TOPBP1: variants seen among roughly 807,000 people sequenced by gnomAD.
TOPBP1 encodes the protein DNA topoisomerase II binding protein 1, also known as DNA topoisomerase 2-binding protein 1.
Under a neutral mutation model 167.7 loss-of-function variants are expected in TOPBP1, and 28 were observed. That is an observed-to-expected ratio of 0.17 (90% CI 0.12 to 0.23). The LOEUF (loss-of-function observed/expected upper bound fraction) is 0.23, where lower values mean the gene tolerates loss of function less well. TOPBP1 is among the 10% of genes least tolerant of loss of function. The pLI is 1.00. For synonymous variants in TOPBP1, 598 were observed against 611.4 expected, an observed-to-expected ratio of 0.98 and a Z score of 0.32; for missense variants, 1,554 against 1,809.6, an observed-to-expected ratio of 0.86 and a Z score of 2.56.
chr3:133,653,464 A>G lies in TOPBP1; in HGVS notation c.803T>C (p.Phe268Ser), dbSNP rs201109522. The change falls in exon 7 of 28, where the codon TTT becomes TCT. Residue 268 changes from phenylalanine (F) to serine (S), a missense_variant. Physicochemically the swap from Phe to Ser is radical, Grantham distance 155. Around this residue, in one of 3 missense-constraint regions of TOPBP1, gnomAD observed 1,197 missense variants for 1,351.5 expected, o/e 0.89. Transcript: ENST00000260810. Reference protein sequence around the residue: ...NVHCVTTQWFFDSIEKGFCQD... With the variant: ...NVHCVTTQWFSDSIEKGFCQD... ...ACAAAAACCTTTCTCAATACTGTCA[A>G]AAAACCACTGTGTGGTCACACAGTG... 3.1e-6 allele frequency: 5 copies of G among 1,612,878 alleles called. No individual in the cohort carries two copies. The highest frequency in any genetic ancestry group is 4.2e-6 in the Non-Finnish European group (5 of 1,179,578).
At chr3:133,637,233 G>C (rs1162441433) in intron 14 of TOPBP1, among the ~76,000 whole-genome samples, 1 of 152,156 alleles carries the variant, frequency 6.6e-6, no homozygotes, top group Non-Finnish European at 1.5e-5. Context: ...AGCCACTTAA[G>C]AGGTCAAAAG....
At chr3:133,653,775 G>A (rs56323915) in intron 6 of TOPBP1, among the ~76,000 whole-genome samples, 21,889 of 151,816 alleles carry the variant, frequency 0.14, 1,885 homozygotes, top group Non-Finnish European at 0.2. Context: ...GATTACAGAC[G>A]TGTGCCACCA....
intron 27 of TOPBP1, among the ~76,000 whole-genome samples, 155 bp downstream of exon 27, chr3:133,608,380 A>T (rs1461272502): frequency 2.0e-5 from 3 of 152,212 alleles, no homozygotes; most frequent in Admixed American, 6.5e-5. Flanking sequence ...TAAAAAACAC[A>T]AATAGAATAA....
Position 133,620,378 on chromosome 3 carries a change from G to A in TOPBP1, c.3179-31C>T, listed in dbSNP as rs779503054. The A allele has an allele frequency of 2.5e-6, 4 of 1,591,074 alleles. No homozygotes were observed. In the African/African-American group the frequency reaches 5.4e-5, roughly 22 times the overall value. Reference sequence around the variant, plus strand: ...AACAAACACAAATACACCATTCAAGGTAAGTTCCTCTTTTTTACCATATCT... The same window carrying A: ...AACAAACACAAATACACCATTCAAGATAAGTTCCTCTTTTTTACCATATCT... On this transcript the variant is annotated intron_variant, in intron 19 of 27. Transcript: ENST00000260810.
intron 8 of TOPBP1, 71 bp from the exon 9 acceptor site, chr3:133,650,014 C>A (rs1936230441): frequency 1.6e-6 from 2 of 1,240,844 alleles, no homozygotes; most frequent in Admixed American, 3.3e-5. Context: ...AAATATATAT[C>A]TAAATCCACT....
In TOPBP1 at chr3:133,620,622, C is replaced by CTGG. The variant is rs1935057876; in HGVS notation, c.3179-278_3179-276dup. On this transcript the variant is annotated intron_variant, in intron 19 of 27. Transcript: ENST00000260810. The stretch of plus-strand genomic sequence containing the variant: ...TGATAGTCTAGCACTGTCGCCCAGG[C>CTGG]TGGACAGTGGTGCGACCTCGGCTCA... Among the ~76,000 whole-genome samples, 3 of 148,672 alleles carry CTGG rather than the reference C, an allele frequency of 2.0e-5. No individual in the cohort carries two copies. The South Asian group carries it at 6.4e-4, about 31-fold the overall frequency.
Position 133,655,334 on chromosome 3 carries a change from A to C in TOPBP1, c.698T>G (p.Leu233Trp). 1 of 1,580,972 alleles carries C rather than the reference A, an allele frequency of 6.3e-7. No homozygotes were observed. The highest frequency in any genetic ancestry group is 8.6e-7 in the Non-Finnish European group (1 of 1,164,290). The change falls in exon 6 of 28, where the codon TTG (leucine) becomes TGG (tryptophan). Residue 233 changes from leucine to tryptophan, a missense_variant. Transcript: ENST00000260810. Reference protein sequence around the residue: ...VKHGGQYMGQLKMNECTHLIV... With the variant: ...VKHGGQYMGQWKMNECTHLIV... ...GAGGTGTGTACATTCATTCATTTTC[A>C]ATTGTCCCATGTATTGACCTCCATG...
Position 133,617,148 on chromosome 3 carries a change from G to GT in TOPBP1, c.3759+11_3759+12insA. On this transcript the variant is annotated intron_variant, in intron 22 of 27. Transcript: ENST00000260810. ...TGCAAAAGCTGTATCACCATATTAA[G>GT]GATCAACAAACCTTTTCTCTAGGGT... 1 of 1,596,616 alleles carries GT rather than the reference G, an allele frequency of 6.3e-7. No individual in the cohort carries two copies. Among genetic ancestry groups the GT allele is most frequent in the African/African-American group, 1.4e-5 (1 of 73,872 alleles).
At chr3:133,626,338 G>A (rs1035168080) in intron 16 of TOPBP1, among the ~76,000 whole-genome samples, 2 of 152,184 alleles carry the variant, frequency 1.3e-5, no homozygotes, top group Non-Finnish European at 2.9e-5. Flanking sequence ...TTGTTACAAT[G>A]TGTGTTTGTA....
In TOPBP1 at chr3:133,623,199, G is replaced by C. The variant is rs778904881; in HGVS notation, c.3076-6C>G. 27 of 1,610,142 alleles carry C rather than the reference G, an allele frequency of 1.7e-5. No individual in the cohort carries two copies. In the East Asian group the frequency reaches 5.8e-4, roughly 35 times the overall value. ...TCTAAAATCAAAGGATCTGGCTATT[G>C]AAAAAGAAAAATTATAAATTCTCAA... On this transcript the variant is annotated splice_region_variant and splice_polypyrimidine_tract_variant and intron_variant, in intron 18 of 27. Coordinates refer to ENST00000260810, the MANE Select transcript of TOPBP1 (RefSeq NM_007027.4).
chr3:133,608,461 G>A (rs1333298966), intron 27 of TOPBP1, 74 bp downstream of exon 27: 4 of 1,506,634 alleles, frequency 2.7e-6, no homozygotes, highest in Middle Eastern at 1.8e-4. Flanking sequence ...TGAAGGTTTT[G>A]TTGTGCAGTT....
intron 25 of TOPBP1, 136 bp from the exon 26 acceptor site, chr3:133,609,098 T>C (rs898323486): frequency 1.4e-6 from 1 of 708,760 alleles, no homozygotes; most frequent in Non-Finnish European, 2.3e-6. Flanking sequence ...TATAATTATC[T>C]CTGGCCAGAA....
chr3:133,620,499 T>C (rs1259322273), intron 19 of TOPBP1, among the ~76,000 whole-genome samples, 152 bp from the exon 20 acceptor site: 2 of 152,086 alleles, frequency 1.3e-5, no homozygotes, highest in African/African-American at 2.4e-5. Context: ...GTACTAAAAC[T>C]ATGAATACTG....
At chr3:133,649,681 A>G (rs553933373) in intron 9 of TOPBP1, 48 bp from the exon 10 acceptor site, 2 of 1,600,056 alleles carry the variant, frequency 1.2e-6, no homozygotes, top group East Asian at 2.2e-5. Context: ...TATAAAGACC[A>G]TCATCCCACT....
rs199625993 is a variant in TOPBP1, at chr3:133,648,786, G to A, written c.1504+597C>T. On this transcript the variant is annotated intron_variant, in intron 10 of 27. Transcript: ENST00000260810. ...ACACTCCAGCCTGCGCAACAAGAGC[G>A]AAATCCTGCTTCAAAAAAAAAAAAA... Among the ~76,000 whole-genome samples, 15 of 150,850 alleles carry A rather than the reference G, an allele frequency of 9.9e-5. No individual in the cohort carries two copies. In the East Asian group the frequency reaches 1.5e-3, roughly 16 times the overall value.
At chr3:133,608,779 T>C in intron 26 of TOPBP1, 83 bp from the exon 27 acceptor site, 1 of 1,566,096 alleles carries the variant, frequency 6.4e-7, no homozygotes. Context: ...AGGATTACCA[T>C]TTCAAAAAGT....
chr3:133,605,142 T>C (rs1444121141), intron 27 of TOPBP1, among the ~76,000 whole-genome samples: 1 of 150,014 alleles, frequency 6.7e-6, no homozygotes, highest in Non-Finnish European at 1.5e-5. Context: ...GAGATTGCAG[T>C]GAGCTGAGAT....
chr3:133,657,758 G>A lies in TOPBP1; in HGVS notation c.363+40C>T, dbSNP rs1559835196. On this transcript the variant is annotated intron_variant, in intron 4 of 27. Coordinates refer to ENST00000260810, the MANE Select transcript of TOPBP1 (RefSeq NM_007027.4). ...AGTGAAAAATTAAGAATAAGAGATA[G>A]ATATATAAATTGATCAATCATCATG... 2.1e-6 allele frequency: 3 copies of A among 1,425,312 alleles called. No individual in the cohort carries two copies. The African/African-American group carries it at 4.4e-5, about 21-fold the overall frequency. The allele number at this position is 1,425,312 out of a possible 1,614,324, so 88.3% of individuals were successfully genotyped here.
At chr3:133,630,786 T>G (rs997400299) in intron 14 of TOPBP1, among the ~76,000 whole-genome samples, 1 of 152,194 alleles carries the variant, frequency 6.6e-6, no homozygotes, top group African/African-American at 2.4e-5. Context: ...CATACGAATC[T>G]TCTATTTCTT....
Sources: gnomAD v4.1 joint callset for allele counts (sites outside exome capture counted in the v4.1 genomes callset) on GRCh38, gnomAD v4.1.1 for gene constraint, gnomAD v4.1.1 regional missense constraint, MANE v1.5 for transcripts, NCBI Gene and HGNC (gene_info 2026-07-23, HGNC 2026-07-21) for gene names.